Variants in MTCH1 observed in about 807,000 individuals in gnomAD.
MTCH1 encodes the protein mitochondrial carrier 1.
MTCH1 carries 23 observed loss-of-function variants against 49.3 expected under a neutral mutation model. That is an observed-to-expected ratio of 0.47 (90% CI 0.34 to 0.66). The LOEUF is 0.66. MTCH1 is among the 30% of genes least tolerant of loss of function. The probability of loss-of-function intolerance (pLI) is 0.01; values close to 1 mark genes in which losing one functional copy is unlikely to be tolerated. For missense variants in MTCH1, 397 were observed against 532.1 expected, an observed-to-expected ratio of 0.75 and a Z score of 2.50; for synonymous variants, 229 against 215.2, an observed-to-expected ratio of 1.06 and a Z score of -0.56.
intron 1 of MTCH1, among the ~76,000 whole-genome samples, chr6:36,983,015 C>T (rs1764158978): frequency 6.6e-6 from 1 of 152,244 alleles, no homozygotes; most frequent in African/African-American, 2.4e-5. Context: ...ATTAGGTATG[C>T]TTCCAGTGCT....
intron 7 of MTCH1, 71 bp downstream of exon 7, chr6:36,975,587 G>T: frequency 6.8e-7 from 1 of 1,470,940 alleles, no homozygotes; most frequent in Non-Finnish European, 9.5e-7. Flanking sequence ...GCTGCGGTCT[G>T]AGAGGTTGAG....
chr6:36,978,309 G>A (rs1763963662), intron 3 of MTCH1, among the ~76,000 whole-genome samples, 154 bp from the exon 4 acceptor site: 1 of 152,210 alleles, frequency 6.6e-6, no homozygotes, highest in African/African-American at 2.4e-5. Context: ...GAGCTTGGGG[G>A]GAAAAGAAAG....
chr6:36,982,988 G>T lies in MTCH1; in HGVS notation c.322-1316C>A, dbSNP rs970462803. 1.3e-5 allele frequency among the ~76,000 whole-genome samples: 2 copies of T among 152,234 alleles called. No homozygotes were observed. Among genetic ancestry groups the T allele is most frequent in the East Asian group, 3.8e-4 (2 of 5,204 alleles). On this transcript the variant is annotated intron_variant, in intron 1 of 11. Coordinates refer to ENST00000373627, the MANE Select transcript of MTCH1 (RefSeq NM_001271641.2). This position sits in a 1 kb window ranked among gnomAD's most constrained non-coding sequence, Gnocchi z 4.1. ...CAGTAGAAGTGGCAAGTTAGAAAGCGCTACCTTGTAAACTGGATTAGGTAT... is the reference window on the plus strand; with the variant it reads ...CAGTAGAAGTGGCAAGTTAGAAAGCTCTACCTTGTAAACTGGATTAGGTAT...
At chr6:36,980,513 A>G (rs1011505038) in intron 2 of MTCH1, among the ~76,000 whole-genome samples, 1 of 152,152 alleles carries the variant, frequency 6.6e-6, no homozygotes, top group Non-Finnish European at 1.5e-5. Flanking sequence ...AACAACACAA[A>G]CACATTTCCT....
At chr6:36,976,536 A>G (rs1373554532) in intron 6 of MTCH1, 2 of 471,052 alleles carry the variant, frequency 4.2e-6, no homozygotes, top group Non-Finnish European at 8.8e-6. Context: ...ATTTCCCATT[A>G]ATGACCCCAA....
At chr6:36,969,578 C>A in intron 11 of MTCH1, 1 of 1,165,320 alleles carries the variant, frequency 8.6e-7, no homozygotes, top group Non-Finnish European at 1.1e-6. Flanking sequence ...GTGGCCCAGC[C>A]CCACCCACAG....
intron 2 of MTCH1, among the ~76,000 whole-genome samples, chr6:36,979,810 G>A (rs1764023970): frequency 6.6e-6 from 1 of 152,182 alleles, no homozygotes; most frequent in South Asian, 2.1e-4. Context: ...GCAAAACATC[G>A]ACCCTCTTCC....
Position 36,977,204 on chromosome 6 carries a change from C to T in MTCH1, c.696G>A (p.Lys232=). 7 of 1,614,116 alleles carry T rather than the reference C, an allele frequency of 4.3e-6. No individual in the cohort carries two copies. The highest frequency in any genetic ancestry group is 5.9e-6 in the Non-Finnish European group (7 of 1,179,980). ...CMVQFVGREA[K]YSGVLSSIGK... is the part of the protein sequence containing the mutation. ...CAGTCCCAAGAGTTACCCACCTGTACTTGGCCTCCCGTCCCACAAACTGGA... is the reference window on the plus strand; with the variant it reads ...CAGTCCCAAGAGTTACCCACCTGTATTTGGCCTCCCGTCCCACAAACTGGA... Residue 232 remains lysine (K), a synonymous_variant, in exon 6 of 12, where the codon AAG becomes AAA. Coordinates refer to ENST00000373627, the MANE Select transcript of MTCH1 (RefSeq NM_001271641.2). This position sits in a 1 kb window ranked among gnomAD's most constrained non-coding sequence, Gnocchi z 5.4.
At position 36,977,043 on chromosome 6, in the gene MTCH1, T is replaced by A. The variant is rs958939136; in HGVS notation, c.701+156A>T. Among the ~76,000 whole-genome samples, 16 of 152,158 alleles carry A rather than the reference T, an allele frequency of 1.1e-4. No individual in the cohort carries two copies. The highest frequency in any genetic ancestry group is 2.4e-4 in the Non-Finnish European group (16 of 68,032). On this transcript the variant is annotated intron_variant, in intron 6 of 11. Coordinates refer to ENST00000373627, the MANE Select transcript of MTCH1 (RefSeq NM_001271641.2). The surrounding 1 kb of genome is among the most constrained non-coding windows in gnomAD (Gnocchi z 5.4). ...AGAGAAAATGACCCTGGACAGACTA[T>A]TGAAGCCACTGCCACATTCCTCAGA...
chr6:36,977,617 G>A lies in MTCH1; in HGVS notation c.649+17C>T, dbSNP rs76406709. The A allele has an allele frequency of 0.099, 155,218 of 1,570,166 alleles. 9,442 individuals carry two copies. The highest frequency in any genetic ancestry group is 0.23 in the African/African-American group (16,928 of 74,112). ...CGCCAGCTTAGATACAGTCTCGGGGGAAGGGGGGTGGCTTACCATGCAGGG... is the reference window on the plus strand; with the variant it reads ...CGCCAGCTTAGATACAGTCTCGGGGAAAGGGGGGTGGCTTACCATGCAGGG... On this transcript the variant is annotated intron_variant, in intron 5 of 11. Transcript: ENST00000373627. The surrounding 1 kb of genome is among the most constrained non-coding windows in gnomAD (Gnocchi z 5.4).
intron 11 of MTCH1, chr6:36,969,633 T>G: frequency 8.4e-7 from 1 of 1,186,222 alleles, no homozygotes; most frequent in Non-Finnish European, 1.1e-6. Context: ...AGGAGTCGGT[T>G]TCCAATGCCA....
At position 36,968,412 on chromosome 6, in the gene MTCH1, G is replaced by A. The variant is rs1763553477; in HGVS notation, c.*491C>T. 7.2e-6 allele frequency: 2 copies of A among 278,186 alleles called. No homozygotes were observed. The highest frequency in any genetic ancestry group is 2.2e-5 in the African/African-American group (1 of 45,212). The allele number at this position is 278,186 out of a possible 1,614,324, so 17.2% of individuals were successfully genotyped here. ...GTTGAGAAAAACACAGGCAGAGCCT[G>A]GCCATTTGCCTCCTAGCATAGGCCT... is the stretch of plus-strand genomic sequence containing the variant. On this transcript the variant is annotated 3_prime_UTR_variant, in exon 12 of 12. Coordinates refer to ENST00000373627, the MANE Select transcript of MTCH1 (RefSeq NM_001271641.2).
chr6:36,979,526 G>A lies in MTCH1; in HGVS notation c.407-915C>T, dbSNP rs541956921. 2.0e-5 allele frequency among the ~76,000 whole-genome samples: 3 copies of A among 152,358 alleles called. No homozygotes were observed. The South Asian group carries it at 6.2e-4, about 32-fold the overall frequency. On this transcript the variant is annotated intron_variant, in intron 2 of 11. Coordinates refer to ENST00000373627, the MANE Select transcript of MTCH1 (RefSeq NM_001271641.2). Reference sequence around the variant, plus strand: ...CGCAGAGGCAGGAAGAAGCAAATATGCCTTTTGCTCCTCCGCAGATGTCTG... The same window carrying A: ...CGCAGAGGCAGGAAGAAGCAAATATACCTTTTGCTCCTCCGCAGATGTCTG...
chr6:36,978,207 C>T, intron 3 of MTCH1, 52 bp from the exon 4 acceptor site: 2 of 1,493,214 alleles, frequency 1.3e-6, no homozygotes, highest in Non-Finnish European at 1.9e-6. Context: ...TTCCATGGAA[C>T]TCTTCGGGGA....
intron 2 of MTCH1, 82 bp downstream of exon 2, chr6:36,981,506 C>A: frequency 7.5e-7 from 1 of 1,339,048 alleles, no homozygotes; most frequent in Non-Finnish European, 1.0e-6. Context: ...GCAGTGAGTT[C>A]CCCGGGGCCA....
intron 3 of MTCH1, 118 bp from the exon 4 acceptor site, chr6:36,978,273 C>A: frequency 1.0e-6 from 1 of 980,982 alleles, no homozygotes; most frequent in Non-Finnish European, 1.6e-6. Context: ...ATTGGCTGGG[C>A]CCACCTCAGG....
intron 8 of MTCH1, among the ~76,000 whole-genome samples, chr6:36,971,855 C>T (rs897676200): frequency 6.6e-6 from 1 of 152,156 alleles, no homozygotes; most frequent in African/African-American, 2.4e-5. Context: ...CTGGACACTG[C>T]AATTCCCAGC....
chr6:36,970,016 T>G, intron 11 of MTCH1, 23 bp downstream of exon 11: 1 of 1,613,298 alleles, frequency 6.2e-7, no homozygotes, highest in East Asian at 2.2e-5. Context: ...AGGAAAGGCC[T>G]CCGCCGTCCA....
intron 8 of MTCH1, 118 bp from the exon 9 acceptor site, chr6:36,970,812 C>T: frequency 8.7e-7 from 1 of 1,145,422 alleles, no homozygotes; most frequent in Non-Finnish European, 1.3e-6. Context: ...CTGCACATGC[C>T]TTTCCTGTCA....
Sources: allele counts gnomAD v4.1 joint callset (sites outside exome capture counted in the v4.1 genomes callset), GRCh38; gene constraint gnomAD v4.1.1; non-coding constraint Gnocchi (gnomAD v3.1); transcripts MANE v1.5; gene names NCBI Gene and HGNC (gene_info 2026-07-23, HGNC 2026-07-21).